The following CDH8 variants were observed in gnomAD, a reference collection of about 807,000 sequenced individuals.
CDH8 encodes the protein cadherin-8.
A neutral mutation model predicts 68.1 loss-of-function variants in CDH8; 17 were observed. That is an observed-to-expected ratio of 0.25 (90% CI 0.17 to 0.37). CDH8 has a LOEUF of 0.37. Ranked by LOEUF, CDH8 falls within the 10% of genes least tolerant of loss-of-function variation. CDH8 has a pLI of 1.00. For synonymous variants in CDH8, 372 were observed against 365.1 expected (o/e 1.02, Z -0.21); for missense variants, 763 against 999.3 (o/e 0.76, Z 3.19).
chr16:61,778,127 A>G (rs1372549663), intron 8 of CDH8, among the ~76,000 whole-genome samples: 1 of 151,916 alleles, frequency 6.6e-6, no homozygotes, highest in Non-Finnish European at 1.5e-5. Flanking sequence ...TTCACTGCCC[A>G]CTTTAGGCTC....
At chr16:61,967,466 AC>A (rs1965271228) in intron 2 of CDH8, among the ~76,000 whole-genome samples, 1 of 152,204 alleles carries the variant, frequency 6.6e-6, no homozygotes, top group South Asian at 2.1e-4. Flanking sequence ...AATGCTTAGC[AC>A]CAGGAGGATT....
chr16:61,880,932 G>A (rs960277580), intron 3 of CDH8, among the ~76,000 whole-genome samples: 2 of 152,272 alleles, frequency 1.3e-5, no homozygotes, highest in Non-Finnish European at 2.9e-5. Flanking sequence ...AGATGGAAAG[G>A]CCATGAAGCA....
intron 3 of CDH8, among the ~76,000 whole-genome samples, chr16:61,895,928 T>C (rs1370806254): frequency 6.6e-6 from 1 of 152,050 alleles, no homozygotes; most frequent in African/African-American, 2.4e-5. Flanking sequence ...AAGTCAAGCT[T>C]AGATGGTTTA....
chr16:61,904,987 T>C (rs1447934217), intron 2 of CDH8, among the ~76,000 whole-genome samples: 1 of 152,252 alleles, frequency 6.6e-6, no homozygotes. Context: ...CTAGGTTGCA[T>C]GCTCCTTATG....
chr16:61,923,166 T>C (rs780868047), intron 2 of CDH8, among the ~76,000 whole-genome samples: 25 of 152,210 alleles, frequency 1.6e-4, no homozygotes, highest in Admixed American at 3.3e-4. Flanking sequence ...TGCTGTCTTA[T>C]ACGTTGCTTC....
intron 8 of CDH8, among the ~76,000 whole-genome samples, chr16:61,765,478 G>T (rs1022365918): frequency 1.3e-5 from 2 of 151,904 alleles, no homozygotes; most frequent in Admixed American, 6.6e-5. Flanking sequence ...TCTGTTGCTT[G>T]GTTGTGTCTG....
chr16:61,697,793 T>C (rs1964355605), intron 10 of CDH8, among the ~76,000 whole-genome samples: 1 of 152,208 alleles, frequency 6.6e-6, no homozygotes, highest in Admixed American at 6.5e-5. Context: ...GGCCAGCCCC[T>C]TCTGGGGAGT....
intron 3 of CDH8, among the ~76,000 whole-genome samples, chr16:61,880,782 G>A (rs1718973328): frequency 6.6e-6 from 1 of 152,168 alleles, no homozygotes; most frequent in Non-Finnish European, 1.5e-5. Flanking sequence ...GACATGCTTT[G>A]AATCAATAAC....
At chr16:61,659,791 G>C (rs183005712) in intron 10 of CDH8, among the ~76,000 whole-genome samples, 2 of 152,280 alleles carry the variant, frequency 1.3e-5, no homozygotes, top group African/African-American at 4.8e-5. Context: ...GTGGAAAGCA[G>C]GGAATCTTGG....
chr16:61,849,969 T>C (rs1962905079), intron 4 of CDH8, among the ~76,000 whole-genome samples: 2 of 152,280 alleles, frequency 1.3e-5, no homozygotes, highest in Middle Eastern at 3.4e-3. Context: ...TTCAATATCA[T>C]GAATGACTAG....
At chr16:61,861,099 G>A (rs1010518646) in intron 3 of CDH8, among the ~76,000 whole-genome samples, 1 of 152,080 alleles carries the variant, frequency 6.6e-6, no homozygotes, top group Non-Finnish European at 1.5e-5. Context: ...AGTACTAAAT[G>A]TCTCTGTATT....
chr16:62,001,802 C>T (rs538004990), intron 2 of CDH8, among the ~76,000 whole-genome samples: 45 of 152,246 alleles, frequency 3.0e-4, no homozygotes, highest in African/African-American at 8.7e-4. Flanking sequence ...GGTATAACTC[C>T]TAATGCTATC....
At chr16:61,811,023 CA>C (rs34071898) in intron 7 of CDH8, among the ~76,000 whole-genome samples, 38,415 of 87,918 alleles carry the variant, frequency 0.44, 4,848 homozygotes, top group African/African-American at 0.54. Flanking sequence ...GACTCTGTCT[CA>C]AAAAAAAAAA....
intron 2 of CDH8, among the ~76,000 whole-genome samples, chr16:61,949,369 ACT>A (rs1454102691): frequency 1.3e-5 from 2 of 152,100 alleles, no homozygotes; most frequent in Non-Finnish European, 2.9e-5. Context: ...ACCAATCAGC[ACT>A]CTGTAAAGTG....
At chr16:61,911,441 C>T (rs750250004) in intron 2 of CDH8, among the ~76,000 whole-genome samples, 19 of 152,146 alleles carry the variant, frequency 1.2e-4, no homozygotes, top group South Asian at 2.1e-4. Flanking sequence ...GTGTCTATCG[C>T]GAAAGATAGA....
chr16:61,736,351 T>C (rs1461813371), intron 8 of CDH8, among the ~76,000 whole-genome samples: 1 of 152,184 alleles, frequency 6.6e-6, no homozygotes. Flanking sequence ...TATATGGCAA[T>C]GAGCCAGATA....
At chr16:61,975,719 A>G (rs1965423057) in intron 2 of CDH8, among the ~76,000 whole-genome samples, 1 of 152,178 alleles carries the variant, frequency 6.6e-6, no homozygotes, top group African/African-American at 2.4e-5. Context: ...AATAGTAGAA[A>G]AGATAGATCT....
At chr16:61,755,831 G>A (rs2142957450) in intron 8 of CDH8, among the ~76,000 whole-genome samples, 1 of 151,006 alleles carries the variant, frequency 6.6e-6, no homozygotes, top group Middle Eastern at 3.4e-3. Flanking sequence ...TTTTGGTGGT[G>A]GGGACAGGGT....
chr16:62,000,878 T>C (rs998242363), intron 2 of CDH8, among the ~76,000 whole-genome samples: 1 of 152,224 alleles, frequency 6.6e-6, no homozygotes, highest in Admixed American at 6.5e-5. Flanking sequence ...GTAACTATAG[T>C]TAACAATACT....
Sources: allele counts gnomAD v4.1 joint callset (sites outside exome capture counted in the v4.1 genomes callset), GRCh38; gene constraint gnomAD v4.1.1; transcripts MANE v1.5; gene names NCBI Gene and HGNC (gene_info 2026-07-23, HGNC 2026-07-21).